Variants in ZDHHC8 observed in about 807,000 individuals in gnomAD.
ZDHHC8 encodes the protein palmitoyltransferase ZDHHC8.
Under a neutral mutation model 61.2 loss-of-function variants are expected in ZDHHC8, and 24 were observed. That is an observed-to-expected ratio of 0.39 (90% CI 0.28 to 0.55). ZDHHC8 has a LOEUF of 0.55. Ranked by LOEUF, ZDHHC8 falls within the 20% of genes least tolerant of loss-of-function variation. The pLI is 0.60. For synonymous variants in ZDHHC8, 523 were observed against 492.5 expected (o/e 1.06, Z -0.82); for missense variants, 935 against 1,102.1 (o/e 0.85, Z 2.15).
At chr22:20,136,570 A>C (rs1464297242) in intron 1 of ZDHHC8, among the ~76,000 whole-genome samples, 1 of 151,990 alleles carries the variant, frequency 6.6e-6, no homozygotes, top group Non-Finnish European at 1.5e-5. Flanking sequence ...GGCTGGGTGC[A>C]GTGTGAGGAG....
intron 8 of ZDHHC8, 25 bp from the exon 9 acceptor site, chr22:20,141,396 G>GT (rs1456497364): frequency 6.8e-6 from 11 of 1,612,308 alleles, no homozygotes; most frequent in Non-Finnish European, 9.3e-6. Flanking sequence ...TCTGACCTCA[G>GT]TCTGACAGTG....
chr22:20,136,119 C>T (rs1382479924), intron 1 of ZDHHC8, among the ~76,000 whole-genome samples: 1 of 152,220 alleles, frequency 6.6e-6, no homozygotes, highest in African/African-American at 2.4e-5. Context: ...CCCCCTGGAC[C>T]TGCCCTCCAC....
intron 1 of ZDHHC8, among the ~76,000 whole-genome samples, chr22:20,133,299 G>GT (rs1309176048): frequency 4.0e-5 from 6 of 151,898 alleles, no homozygotes; most frequent in Non-Finnish European, 1.5e-5. Context: ...GGCCTGGGGG[G>GT]ACACATCCCA....
Position 20,147,119 on chromosome 22 carries a change from G to A in ZDHHC8, c.*1719G>A, listed in dbSNP as rs1028590222. 7.8e-6 allele frequency: 12 copies of A among 1,533,512 alleles called. No individual in the cohort carries two copies. In the African/African-American group the frequency reaches 1.4e-4, roughly 18 times the overall value. 95.0% of individuals were successfully genotyped at this position (1,533,512 alleles called of 1,614,324 possible). The stretch of plus-strand genomic sequence containing the variant: ...TGCCACCTTGGCCGCCCGGAGGACC[G>A]CCCACCACTGCGGGCCCCCTGGAGC... On this transcript the variant is annotated 3_prime_UTR_variant, in exon 11 of 11. Transcript: ENST00000334554.
chr22:20,142,685 C>T, intron 9 of ZDHHC8, 71 bp from the exon 10 acceptor site: 1 of 1,597,156 alleles, frequency 6.3e-7, no homozygotes, highest in Non-Finnish European at 8.5e-7. Context: ...TGTGTGGCCC[C>T]CGTGGGTGCT....
In ZDHHC8 at chr22:20,139,704, C is replaced by T. The variant is rs1233878082; in HGVS notation, c.385-16C>T. On this transcript the variant is annotated splice_polypyrimidine_tract_variant and intron_variant, in intron 3 of 10. Coordinates refer to ENST00000334554, the MANE Select transcript of ZDHHC8 (RefSeq NM_013373.4). The stretch of plus-strand genomic sequence containing the variant: ...TCCCTGCCTGCCATGTGCCCTGATG[C>T]ACTGCTCCCGCCCAGGACTTTGACC... The T allele has an allele frequency of 1.9e-6, 3 of 1,611,780 alleles. No homozygotes were observed. Among genetic ancestry groups the T allele is most frequent in the Admixed American group, 3.3e-5 (2 of 60,032 alleles).
chr22:20,134,634 C>G (rs540129479), intron 1 of ZDHHC8, among the ~76,000 whole-genome samples: 1 of 152,266 alleles, frequency 6.6e-6, no homozygotes, highest in South Asian at 2.1e-4. Context: ...CCCCAGCCCC[C>G]TCTCTGCACT....
At chr22:20,139,389 G>A (rs1004980738) in intron 2 of ZDHHC8, 74 bp downstream of exon 2, 1 of 1,603,180 alleles carries the variant, frequency 6.2e-7, no homozygotes, top group East Asian at 2.2e-5. Context: ...CAGCCTTAGG[G>A]ATTCCTGGTG....
intron 1 of ZDHHC8, among the ~76,000 whole-genome samples, chr22:20,133,654 G>T (rs1271978311): frequency 6.7e-6 from 1 of 149,512 alleles, no homozygotes; most frequent in Non-Finnish European, 1.5e-5. Flanking sequence ...ACTTGAACCC[G>T]TAAGGCGGAG....
At position 20,131,869 on chromosome 22, in the gene ZDHHC8, G is replaced by T; in HGVS notation, c.-79G>T. 1.1e-5 allele frequency: 2 copies of T among 180,036 alleles called. No individual in the cohort carries two copies. The highest frequency in any genetic ancestry group is 2.0e-4 in the East Asian group (1 of 4,950). The allele number at this position is 180,036 out of a possible 1,614,324, so 11.2% of individuals were successfully genotyped here. A position where few individuals can be genotyped will look rare whatever the true frequency, so the allele number is the denominator to read the frequency against. ...GCGGGTCCTGCGCCGCGTCCAGCCC[G>T]CCCGCCCGACCCCGGCCCGACCCCG... On this transcript the variant is annotated 5_prime_UTR_variant, in exon 1 of 11. Transcript: ENST00000334554.
intron 1 of ZDHHC8, among the ~76,000 whole-genome samples, chr22:20,134,192 G>A (rs1182458758): frequency 6.6e-6 from 1 of 152,244 alleles, no homozygotes; most frequent in African/African-American, 2.4e-5. Flanking sequence ...TGGCCTGGGT[G>A]CTCACCTGGG....
In ZDHHC8 at chr22:20,145,762, C is replaced by T; in HGVS notation, c.*362C>T. ...ACCCCAGATCACCGCCAGGCCAGCCCCCAATGGTCCCCTTACGGACAGGTC... is the reference window on the plus strand; with the variant it reads ...ACCCCAGATCACCGCCAGGCCAGCCTCCAATGGTCCCCTTACGGACAGGTC... On this transcript the variant is annotated 3_prime_UTR_variant, in exon 11 of 11. Coordinates refer to ENST00000334554, the MANE Select transcript of ZDHHC8 (RefSeq NM_013373.4). 1.0e-6 allele frequency: 1 copy of T among 1,000,594 alleles called. No homozygotes were observed. Among genetic ancestry groups the T allele is most frequent in the Non-Finnish European group, 1.2e-6 (1 of 840,286 alleles). The allele number at this position is 1,000,594 out of a possible 1,614,324, so 62.0% of individuals were successfully genotyped here.
In ZDHHC8 at chr22:20,146,937, C is replaced by T; in HGVS notation, c.*1537C>T. On this transcript the variant is annotated 3_prime_UTR_variant, in exon 11 of 11. Transcript: ENST00000334554. ...GAGACATTCTGGGCTGGGGCTGTCC[C>T]AGCGTGGGAGGCGTGCGGGCTGTAG... is the stretch of plus-strand genomic sequence containing the variant. 1.5e-6 allele frequency: 2 copies of T among 1,355,030 alleles called. No homozygotes were observed. The highest frequency in any genetic ancestry group is 3.1e-5 in the East Asian group (1 of 32,308). 83.9% of individuals were successfully genotyped at this position (1,355,030 alleles called of 1,614,324 possible). A position where few individuals can be genotyped will look rare whatever the true frequency, so the allele number is the denominator to read the frequency against.
At chr22:20,134,394 G>T (rs2050403433) in intron 1 of ZDHHC8, among the ~76,000 whole-genome samples, 1 of 152,214 alleles carries the variant, frequency 6.6e-6, no homozygotes, top group African/African-American at 2.4e-5. Flanking sequence ...CTGGCCCATT[G>T]ATGCCACCCA....
At chr22:20,142,638 G>A (rs1360363586) in intron 9 of ZDHHC8, 118 bp from the exon 10 acceptor site, 1 of 1,326,784 alleles carries the variant, frequency 7.5e-7, no homozygotes, top group Admixed American at 2.1e-5. Flanking sequence ...TGGCTCTTAT[G>A]GCTCCTTGAG....
intron 1 of ZDHHC8, among the ~76,000 whole-genome samples, chr22:20,133,510 C>T (rs534218179): frequency 3.3e-5 from 5 of 152,248 alleles, no homozygotes; most frequent in South Asian, 2.1e-4. Flanking sequence ...GGGCAGATCA[C>T]CTGAGGTCAG....
At chr22:20,139,381 G>C (rs933695661) in intron 2 of ZDHHC8, 66 bp downstream of exon 2, 22 of 1,603,502 alleles carry the variant, frequency 1.4e-5, no homozygotes, top group Non-Finnish European at 1.8e-5. Context: ...ACTTGAGACA[G>C]CCTTAGGGAT....
At chr22:20,140,812 C>T in intron 6 of ZDHHC8, 59 bp from the exon 7 acceptor site, 2 of 1,599,268 alleles carry the variant, frequency 1.3e-6, no homozygotes, top group South Asian at 1.1e-5. Flanking sequence ...TATGGCCAGC[C>T]CTGCCCTTGT....
rs377028661 is a variant in ZDHHC8, at chr22:20,141,281, A to G, written c.959A>G (p.Lys320Arg). The G allele has an allele frequency of 1.9e-5, 31 of 1,612,736 alleles. No individual in the cohort carries two copies. In the African/African-American group the frequency reaches 3.9e-4, roughly 20 times the overall value. Residue 320 changes from lysine (K) to arginine (R), a missense_variant, in exon 8 of 11, where the codon AAG becomes AGG. Physicochemically the swap from Lys to Arg is conservative, Grantham distance 26. Transcript: ENST00000334554. ...PLDLGPPLPP[K>R]IEAGTFSSDL... ...GACTTGGGGCCACCACTGCCCCCCA[A>G]GATAGAGGCTGGCACGTTCAGCAGT...
Sources: gnomAD v4.1 joint callset for allele counts (sites outside exome capture counted in the v4.1 genomes callset) on GRCh38, gnomAD v4.1.1 for gene constraint, MANE v1.5 for transcripts, NCBI Gene and HGNC (gene_info 2026-07-23, HGNC 2026-07-21) for gene names.